MTCL1: variants seen among roughly 807,000 people sequenced by gnomAD.
MTCL1 encodes microtubule crosslinking factor 1.
In MTCL1, 79 loss-of-function variants were observed where a neutral mutation model predicts 141.4. The observed-to-expected ratio is 0.56, with a 90% CI of 0.47 to 0.67. The LOEUF is 0.67. Among genes scored for constraint, MTCL1 ranks in the 30% least tolerant of loss-of-function variants. MTCL1 has a pLI of 0.00. For synonymous variants in MTCL1, 914 were observed against 875.8 expected (o/e 1.04, Z -0.77); for missense variants, 2,177 against 2,113.9 (o/e 1.03, Z -0.59).
chr18:8,762,484 A>G (rs1309626096), intron 4 of MTCL1, among the ~76,000 whole-genome samples: 1 of 152,250 alleles, frequency 6.6e-6, no homozygotes, highest in Non-Finnish European at 1.5e-5. Flanking sequence ...GGACACCCCC[A>G]CTAAGGAGGC....
intron 10 of MTCL1, among the ~76,000 whole-genome samples, chr18:8,805,144 G>T (rs1249628217): frequency 2.0e-5 from 3 of 147,794 alleles, no homozygotes. Flanking sequence ...GGGGGTACAT[G>T]TGCAGGTTTA....
exon 9 of MTCL1, chr18:8,796,441 G>A (rs1413483579): frequency 1.2e-6 from 2 of 1,614,180 alleles, no homozygotes; most frequent in Non-Finnish European, 1.7e-6. Context: ...AGATGGAGGA[G>A]GAAGGAGAGG....
In MTCL1 at chr18:8,784,933, G is replaced by A. The variant is rs889883049; in HGVS notation, c.1731+90G>A. On this transcript the variant is annotated intron_variant, in intron 6 of 16. Transcript: ENST00000359865. ...CTGCACTCGGGCTCACGCTGCTCACGGCTGCTTGGTTATGATTTCAAACCT... is the reference window on the plus strand; with the variant it reads ...CTGCACTCGGGCTCACGCTGCTCACAGCTGCTTGGTTATGATTTCAAACCT... The A allele has an allele frequency of 1.9e-5, 23 of 1,204,654 alleles. No individual in the cohort carries two copies. In the East Asian group the frequency reaches 3.5e-4, roughly 18 times the overall value. The allele number at this position is 1,204,654 out of a possible 1,614,324, so 74.6% of individuals were successfully genotyped here.
chr18:8,721,969 TG>T (rs2096176249), intron 4 of MTCL1, among the ~76,000 whole-genome samples: 1 of 151,986 alleles, frequency 6.6e-6, no homozygotes, highest in Non-Finnish European at 1.5e-5. Context: ...GGAGATGAGG[TG>T]GCCTCCCAGA....
chr18:8,712,695 A>G (rs180819396), upstream of MTCL1, among the ~76,000 whole-genome samples: 638 of 152,334 alleles, frequency 4.2e-3, 5 homozygotes, highest in African/African-American at 0.015. Flanking sequence ...TGGCTGGACC[A>G]TCACCTGGTA....
At chr18:8,770,464 C>G (rs113483509) in intron 4 of MTCL1, among the ~76,000 whole-genome samples, 148 of 152,296 alleles carry the variant, frequency 9.7e-4, no homozygotes, top group African/African-American at 3.4e-3. Context: ...GCTGCCTTCT[C>G]GATGAATCCT....
intron 13 of MTCL1, among the ~76,000 whole-genome samples, chr18:8,820,253 C>CA (rs1568099411): frequency 1.3e-5 from 2 of 151,818 alleles, no homozygotes; most frequent in Admixed American, 6.6e-5. Flanking sequence ...ACTAAAAATA[C>CA]AAAAAAATTA....
At position 8,831,563 on chromosome 18, in the gene MTCL1, A is replaced by G. The variant is rs745619312; in HGVS notation, c.*19-44A>G. 1.7e-5 allele frequency: 26 copies of G among 1,539,934 alleles called. No individual in the cohort carries two copies. The African/African-American group carries it at 3.3e-4, about 20-fold the overall frequency. On this transcript the variant is annotated intron_variant, in intron 16 of 16. Transcript: ENST00000359865. ...TTTGGGGGAATCATCCACTGGTGAC[A>G]CTGCCGGTCTGAGTAACCCTGTCTC...
chr18:8,714,789 C>A (rs935582219), upstream of MTCL1, among the ~76,000 whole-genome samples: 1 of 151,322 alleles, frequency 6.6e-6, no homozygotes, highest in Non-Finnish European at 1.5e-5. Context: ...TGATCTCTCC[C>A]TAATTTTCTT....
At chr18:8,732,317 G>T (rs1476622522) in intron 4 of MTCL1, among the ~76,000 whole-genome samples, 3 of 151,792 alleles carry the variant, frequency 2.0e-5, no homozygotes, top group Non-Finnish European at 4.4e-5. Flanking sequence ...TCATCATGTT[G>T]CCCAGGCTAG....
At chr18:8,758,017 A>T (rs542075341) in intron 4 of MTCL1, among the ~76,000 whole-genome samples, 85 of 145,508 alleles carry the variant, frequency 5.8e-4, no homozygotes, top group Non-Finnish European at 9.4e-4. Context: ...AGTAGCACCC[A>T]GTCTTTTTTT....
chr18:8,825,523 G>A, exon 15 of MTCL1: 1 of 1,612,388 alleles, frequency 6.2e-7, no homozygotes, highest in Non-Finnish European at 8.5e-7. Flanking sequence ...CGTGGCAGCG[G>A]TGTCACCAGC....
Position 8,818,922 on chromosome 18 carries a change from G to C in MTCL1, c.2860-41G>C, listed in dbSNP as rs545131521. 5 of 1,574,822 alleles carry C rather than the reference G, an allele frequency of 3.2e-6. No homozygotes were observed. In the African/African-American group the frequency reaches 6.8e-5, roughly 21 times the overall value. On this transcript the variant is annotated intron_variant, in intron 12 of 16. Coordinates refer to ENST00000359865, the Ensembl canonical transcript of MTCL1. ...ATGTTCTTAGGGAGACCATCAGACA[G>C]AAAAGTGAGGCTAATTATTTTCATT...
At chr18:8,825,322 T>A (rs774341560) in exon 15 of MTCL1, 1 of 1,538,188 alleles carries the variant, frequency 6.5e-7, no homozygotes, top group Non-Finnish European at 8.7e-7. Context: ...GCCTCCCCAC[T>A]GCACAGCCTG....
Position 8,785,296 on chromosome 18 carries a change from G to T in MTCL1, c.1731+453G>T, listed in dbSNP as rs567556243. 2.6e-5 allele frequency among the ~76,000 whole-genome samples: 4 copies of T among 152,292 alleles called. No individual in the cohort carries two copies. The East Asian group carries it at 7.7e-4, about 30-fold the overall frequency. On this transcript the variant is annotated intron_variant, in intron 6 of 16. Coordinates refer to ENST00000359865, the Ensembl canonical transcript of MTCL1. The stretch of plus-strand genomic sequence containing the variant: ...TCGCTAACGAGCACGTCCCTTCCTG[G>T]GTGTGTTTCAAGGGACACAGTGCAG...
chr18:8,739,695 A>G (rs1030988911), intron 4 of MTCL1, among the ~76,000 whole-genome samples: 9 of 151,722 alleles, frequency 5.9e-5, no homozygotes, highest in Non-Finnish European at 1.2e-4. Flanking sequence ...GGCTGCCACA[A>G]ATATCTGCAT....
At position 8,784,850 on chromosome 18, in the gene MTCL1, G is replaced by A; in HGVS notation, c.1731+7G>A. The A allele has an allele frequency of 1.3e-6, 2 of 1,571,688 alleles. No homozygotes were observed. Among genetic ancestry groups the A allele is most frequent in the Middle Eastern group, 1.7e-4 (1 of 5,876 alleles). ...GCTGGGCCCAGACTTGCAGGTAAGG[G>A]GGCTCGTGGCTTCGCCTCCCTGCTC... On this transcript the variant is annotated splice_region_variant and intron_variant, in intron 6 of 16. Transcript: ENST00000359865.
chr18:8,813,177 A>G (rs763259483), exon 12 of MTCL1: 1 of 1,613,774 alleles, frequency 6.2e-7, no homozygotes, highest in Admixed American at 1.7e-5. Flanking sequence ...CCGCCTGGAC[A>G]GAGATCGGCA....
chr18:8,801,772 A>G (rs1412909082), intron 10 of MTCL1: 1 of 152,170 alleles, frequency 6.6e-6, no homozygotes, highest in Non-Finnish European at 1.5e-5. Context: ...CTGTGTTTAC[A>G]GCTTGTTAAA....
Sources: allele counts gnomAD v4.1 joint callset (sites outside exome capture counted in the v4.1 genomes callset), GRCh38; gene constraint gnomAD v4.1.1; transcripts MANE v1.5; gene names NCBI Gene and HGNC (gene_info 2026-07-23, HGNC 2026-07-21).